The following ATP2B4 variants were observed in gnomAD, a reference collection of about 807,000 sequenced individuals.
ATP2B4 encodes the protein plasma membrane calcium-transporting ATPase 4.
In ATP2B4, 39 loss-of-function variants were observed where a neutral mutation model predicts 110.3. The ratio of observed to expected loss-of-function variants is 0.35; its 90% CI spans 0.27 to 0.46. ATP2B4 has a LOEUF of 0.46. ATP2B4 is among the 20% of genes least tolerant of loss of function. The pLI is 1.00. For missense variants in ATP2B4, 1,135 were observed against 1,530.9 expected (o/e 0.74, Z 4.32); for synonymous variants, 538 against 571.7 (o/e 0.94, Z 0.84).
intron 12 of ATP2B4, 59 bp from the exon 13 acceptor site, chr1:203,711,901 A>G: frequency 6.4e-7 from 1 of 1,565,826 alleles, no homozygotes; most frequent in East Asian, 2.2e-5. Context: ...ACAAACAGGG[A>G]CAGCTTACCA....
Position 203,699,621 on chromosome 1 carries a change from G to T in ATP2B4, c.553G>T (p.Glu185Ter). The stretch of plus-strand genomic sequence containing the variant: ...ATTCCGGGGGCTGCAGTGCCGCATT[G>T]AACAGGAGCAAAAGTTCTCCATCAT... ...KQFRGLQCRIEQEQKFSIIRN... is the reference protein window; with the variant it reads ...KQFRGLQCRI Residue 185 changes from glutamate to a stop codon, truncating the protein, a stop_gained, in exon 4 of 21, where the codon GAA (glutamate) becomes TAA (stop). Coordinates refer to ENST00000357681, the MANE Select transcript of ATP2B4 (RefSeq NM_001684.5). LOFTEE classifies it high-confidence loss of function. 1 of 1,614,172 alleles carries T rather than the reference G, an allele frequency of 6.2e-7. No homozygotes were observed. The highest frequency in any genetic ancestry group is 8.5e-7 in the Non-Finnish European group (1 of 1,180,048).
In ATP2B4 at chr1:203,741,283, T is replaced by A. The variant is rs919679228; in HGVS notation, c.*1429T>A. 1.3e-5 allele frequency: 2 copies of A among 152,728 alleles called. No individual in the cohort carries two copies. Among genetic ancestry groups the A allele is most frequent in the Admixed American group, 6.5e-5 (1 of 15,270 alleles). 9.5% of individuals were successfully genotyped at this position (152,728 alleles called of 1,614,324 possible). A position where few individuals can be genotyped will look rare whatever the true frequency, so the allele number is the denominator to read the frequency against. On this transcript the variant is annotated 3_prime_UTR_variant, in exon 21 of 21. Coordinates refer to ENST00000357681, the MANE Select transcript of ATP2B4 (RefSeq NM_001684.5). ...TTCCTCCAGCCCCGCTTCAGCCACA[T>A]GCTCCAGCTGCTGCCCAGTAAAGCC...
At chr1:203,681,862 C>T (rs1347176142) in intron 1 of ATP2B4, among the ~76,000 whole-genome samples, 1 of 151,656 alleles carries the variant, frequency 6.6e-6, no homozygotes, top group Admixed American at 6.6e-5. Flanking sequence ...GCTCCCACTC[C>T]AGAGAAACTT....
At chr1:203,642,184 G>C (rs1054984562) in intron 1 of ATP2B4, among the ~76,000 whole-genome samples, 1 of 152,002 alleles carries the variant, frequency 6.6e-6, no homozygotes, top group Non-Finnish European at 1.5e-5. Flanking sequence ...TGGGCTCAAG[G>C]GATCCTCCCA....
chr1:203,670,047 G>A (rs1311160076), intron 1 of ATP2B4, among the ~76,000 whole-genome samples: 1 of 152,214 alleles, frequency 6.6e-6, no homozygotes, highest in East Asian at 1.9e-4. Flanking sequence ...CTTTGGAATA[G>A]ATGTTCTTTC....
chr1:203,671,950 G>T (rs141228536), intron 1 of ATP2B4, among the ~76,000 whole-genome samples: 2 of 152,114 alleles, frequency 1.3e-5, no homozygotes, highest in African/African-American at 2.4e-5. Flanking sequence ...TGGGGGCTTC[G>T]AAGCTCTCCT....
chr1:203,684,855 G>GT (rs1665133956), intron 2 of ATP2B4, among the ~76,000 whole-genome samples: 1 of 151,438 alleles, frequency 6.6e-6, no homozygotes, highest in Non-Finnish European at 1.5e-5. Flanking sequence ...TTTGTTTTTT[G>GT]TTTTTTTGGT....
In ATP2B4 at chr1:203,713,204, C is replaced by G. The variant is rs776635827; in HGVS notation, c.2251C>G (p.Arg751Gly). ...GCTGGACAAGATCTGGCCTAAGCTT[C>G]GGGTCCTGGCGCGATCTTCTCCCAC... is the stretch of plus-strand genomic sequence containing the variant. ...EKLDKIWPKL[R>G]VLARSSPTDK... is the part of the protein sequence containing the mutation. Residue 751 changes from arginine to glycine, a missense_variant, in exon 14 of 21, where the codon CGG (arginine) becomes GGG (glycine). Physicochemically the swap from Arg to Gly is moderately radical, Grantham distance 125 (BLOSUM62 -2). Coordinates refer to ENST00000357681, the MANE Select transcript of ATP2B4 (RefSeq NM_001684.5). 6.2e-7 allele frequency: 1 copy of G among 1,614,170 alleles called. No individual in the cohort carries two copies. Among genetic ancestry groups the G allele is most frequent in the East Asian group, 2.2e-5 (1 of 44,878 alleles).
At chr1:203,705,886 T>C (rs867125948) in intron 8 of ATP2B4, among the ~76,000 whole-genome samples, 1 of 152,218 alleles carries the variant, frequency 6.6e-6, no homozygotes, top group African/African-American at 2.4e-5. Flanking sequence ...AGTGGCTTGC[T>C]TCTCCACCTG....
intron 1 of ATP2B4, among the ~76,000 whole-genome samples, chr1:203,670,829 T>A (rs1008031185): frequency 2.0e-5 from 3 of 152,214 alleles, no homozygotes; most frequent in Non-Finnish European, 4.4e-5. Flanking sequence ...GGTGCTTCCC[T>A]GATGGGAGCA....
At chr1:203,653,981 ATATAT>A (rs1479944544) in intron 1 of ATP2B4, among the ~76,000 whole-genome samples, 79 of 7,564 alleles carry the variant, frequency 0.01, no homozygotes, top group African/African-American at 0.012. Context: ...ATATATATAT[ATATAT>A]TTTTTTTTTT....
At position 203,699,690 on chromosome 1, in the gene ATP2B4, G is replaced by A. The variant is rs998689356; in HGVS notation, c.622G>A (p.Val208Ile). ...LIQLPVAEIV[V>I]GDIAQVKYGD... Reference sequence around the variant, plus strand: ...CCAGCTCCCTGTGGCTGAGATTGTGGTTGGTGATATTGCCCAAGTCAAATA... The same window carrying A: ...CCAGCTCCCTGTGGCTGAGATTGTGATTGGTGATATTGCCCAAGTCAAATA... The change falls in exon 4 of 21, where the codon GTT becomes ATT. Residue 208 changes from valine to isoleucine, a missense_variant. By Grantham distance (29) the Val-to-Ile change is conservative. This residue lies in a region of ATP2B4 where 101 missense variants were observed against 182.6 expected (regional missense o/e 0.55). Coordinates refer to ENST00000357681, the MANE Select transcript of ATP2B4 (RefSeq NM_001684.5). 5.0e-6 allele frequency: 8 copies of A among 1,614,034 alleles called. No homozygotes were observed. The highest frequency in any genetic ancestry group is 1.6e-4 in the Middle Eastern group (1 of 6,072).
At chr1:203,707,710 C>A in intron 9 of ATP2B4, 152 bp from the exon 10 acceptor site, 1 of 1,090,412 alleles carries the variant, frequency 9.2e-7, no homozygotes, top group Non-Finnish European at 1.3e-6. Context: ...AAATTACAGG[C>A]ATGAATCACT....
chr1:203,674,672 T>TC (rs1558027821), intron 1 of ATP2B4, among the ~76,000 whole-genome samples: 7 of 78,906 alleles, frequency 8.9e-5, no homozygotes, highest in East Asian at 8.6e-4. Context: ...TTTTTTTTTT[T>TC]CTGAGATGGG....
rs1553251107 is a variant in ATP2B4 at position 203,723,457 on chromosome 1, T to TCC, written c.3025-423_3025-422insCC. Among the ~76,000 whole-genome samples, 715 of 113,560 alleles carry TCC rather than the reference T, an allele frequency of 6.3e-3. 9 individuals carry two copies. The highest frequency in any genetic ancestry group is 9.1e-3 in the Non-Finnish European group (518 of 57,204). The allele number at this position is 113,560 out of a possible 152,430, so 74.5% of individuals were successfully genotyped here. ...CTCTCTCTCTCTCTCTCTCTCTCTC[T>TCC]CTCCCTCTGCCTCTCTCTCTCTCTC... On this transcript the variant is annotated intron_variant, in intron 18 of 20. Transcript: ENST00000357681.
chr1:203,631,583 C>G (rs1663267840), intron 1 of ATP2B4, among the ~76,000 whole-genome samples: 1 of 152,140 alleles, frequency 6.6e-6, no homozygotes, highest in Non-Finnish European at 1.5e-5. Flanking sequence ...GTAGTATACC[C>G]TCAATACTAA....
intron 20 of ATP2B4, among the ~76,000 whole-genome samples, chr1:203,730,025 C>T (rs1395335902): frequency 6.6e-6 from 1 of 151,868 alleles, no homozygotes; most frequent in Non-Finnish European, 1.5e-5. Context: ...ACAATCATGC[C>T]GAAAAAGTGG....
chr1:203,650,988 GCT>G (rs1663973705), intron 1 of ATP2B4, among the ~76,000 whole-genome samples: 1 of 152,174 alleles, frequency 6.6e-6, no homozygotes, highest in South Asian at 2.1e-4. Context: ...TGCCCAGGCT[GCT>G]CTCTTAATTC....
chr1:203,654,616 A>G (rs1156955151), intron 1 of ATP2B4, among the ~76,000 whole-genome samples: 5 of 152,188 alleles, frequency 3.3e-5, no homozygotes, highest in African/African-American at 1.2e-4. Flanking sequence ...AGGGCTGGGA[A>G]TGGTGGCTCA....
Sources: gnomAD v4.1 joint callset for allele counts (sites outside exome capture counted in the v4.1 genomes callset) on GRCh38, gnomAD v4.1.1 for gene constraint, gnomAD v4.1.1 regional missense constraint, MANE v1.5 for transcripts, NCBI Gene and HGNC (gene_info 2026-07-23, HGNC 2026-07-21) for gene names.